STAU2: variants seen among roughly 807,000 people sequenced by gnomAD.
The protein encoded by STAU2 is double-stranded RNA-binding protein Staufen homolog 2.
STAU2 carries 20 observed loss-of-function variants against 65.9 expected under a neutral mutation model. The ratio of observed to expected loss-of-function variants is 0.30; its 90% CI spans 0.21 to 0.44. The LOEUF is 0.44. Among genes scored for constraint, STAU2 ranks in the 20% least tolerant of loss-of-function variants. The pLI is 1.00. For synonymous variants in STAU2, 232 were observed against 233.9 expected, an observed-to-expected ratio of 0.99 and a Z score of 0.07; for missense variants, 558 against 683.9, an observed-to-expected ratio of 0.82 and a Z score of 2.05.
At chr8:73,721,874 G>T (rs1162498751) in intron 3 of STAU2, among the ~76,000 whole-genome samples, 1 of 152,156 alleles carries the variant, frequency 6.6e-6, no homozygotes, top group Non-Finnish European at 1.5e-5. Context: ...AAACTGGAGT[G>T]TTTAGACAAT....
At chr8:73,705,043 G>A (rs547041752) in intron 4 of STAU2, among the ~76,000 whole-genome samples, 1 of 152,274 alleles carries the variant, frequency 6.6e-6, no homozygotes, top group South Asian at 2.1e-4. Flanking sequence ...TTCAGTGCAG[G>A]AACAGTGCCT....
rs116287369 is a variant in STAU2 at position 73,448,578 on chromosome 8, C to T, written c.1531-25876G>A. On this transcript the variant is annotated intron_variant, in intron 13 of 14. Transcript: ENST00000524300. ...GATTACAGGCATTAGCCACCACGCCCGGCTAGGAGACACAAGTCTTAAAAG... is the reference window on the plus strand; with the variant it reads ...GATTACAGGCATTAGCCACCACGCCTGGCTAGGAGACACAAGTCTTAAAAG... Among the ~76,000 whole-genome samples the T allele has an allele frequency of 2.9e-3, 449 of 152,308 alleles. 5 individuals carry two copies. Among genetic ancestry groups the T allele is most frequent in the African/African-American group, 0.01 (421 of 41,572 alleles).
intron 13 of STAU2, among the ~76,000 whole-genome samples, chr8:73,482,817 T>G (rs975363464): frequency 1.3e-5 from 2 of 152,118 alleles, no homozygotes; most frequent in East Asian, 3.9e-4. Context: ...ACAACTTCAT[T>G]TGCAGGATCA....
At position 73,586,644 on chromosome 8, in the gene STAU2, T is replaced by C. The variant is rs201770307; in HGVS notation, c.1162-3814A>G. On this transcript the variant is annotated intron_variant, in intron 11 of 14. Transcript: ENST00000524300. The stretch of plus-strand genomic sequence containing the variant: ...AATGAGGAGAACAGAAGAAAAAAAA[T>C]GCAAAAAAAAAAAAAAAAAAAAATC... Among the ~76,000 whole-genome samples the C allele has an allele frequency of 1.9e-4, 5 of 26,316 alleles. No homozygotes were observed. In the South Asian group the frequency reaches 3.6e-3, roughly 19 times the overall value. The allele number at this position is 26,316 out of a possible 152,430, so 17.3% of individuals were successfully genotyped here.
intron 6 of STAU2, among the ~76,000 whole-genome samples, chr8:73,657,645 T>A (rs1816482324): frequency 6.6e-6 from 1 of 152,234 alleles, no homozygotes; most frequent in South Asian, 2.1e-4. Context: ...ATATTTATAT[T>A]GGTATTAGAC....
intron 6 of STAU2, among the ~76,000 whole-genome samples, chr8:73,637,177 A>T (rs1035261438): frequency 2.0e-5 from 2 of 99,272 alleles, no homozygotes; most frequent in Admixed American, 9.6e-5. Flanking sequence ...ATTAAAATTA[A>T]AAAAAAGGTC....
intron 6 of STAU2, among the ~76,000 whole-genome samples, chr8:73,640,840 T>A (rs1465600472): frequency 1.3e-5 from 2 of 152,170 alleles, no homozygotes; most frequent in African/African-American, 4.8e-5. Context: ...ATTTTTACTA[T>A]GCCATTATTT....
chr8:73,477,070 A>G (rs1382904581), intron 13 of STAU2, among the ~76,000 whole-genome samples: 1 of 152,214 alleles, frequency 6.6e-6, no homozygotes, highest in East Asian at 1.9e-4. Flanking sequence ...TGTGACACTG[A>G]AGAACTGGAA....
intron 13 of STAU2, among the ~76,000 whole-genome samples, chr8:73,495,558 T>C (rs1202395557): frequency 6.6e-6 from 1 of 150,826 alleles, no homozygotes; most frequent in Non-Finnish European, 1.5e-5. Context: ...TCAAATAAAA[T>C]GTCAATAAAA....
At position 73,610,538 on chromosome 8, in the gene STAU2, CAA is replaced by C. The variant is rs59599554; in HGVS notation, c.891+3204_891+3205del. Among the ~76,000 whole-genome samples the C allele has an allele frequency of 3.1e-3, 291 of 95,108 alleles. 1 individual carries two copies. The highest frequency in any genetic ancestry group is 0.026 in the South Asian group (70 of 2,718). The allele number at this position is 95,108 out of a possible 152,430, so 62.4% of individuals were successfully genotyped here. ...TGGGAGACAGAGTTAGACCCCGTCT[CAA>C]AAAAAAAAAAAAAAAAAAGGCAGCG... On this transcript the variant is annotated intron_variant, in intron 9 of 14. Coordinates refer to ENST00000524300, the MANE Select transcript of STAU2 (RefSeq NM_001164380.2).
At chr8:73,576,391 G>C (rs963838993) in intron 12 of STAU2, among the ~76,000 whole-genome samples, 18 of 151,692 alleles carry the variant, frequency 1.2e-4, no homozygotes, top group African/African-American at 4.4e-4. Context: ...ACCATACGAC[G>C]CTATTTTTCT....
intron 11 of STAU2, among the ~76,000 whole-genome samples, chr8:73,585,145 G>T (rs944322546): frequency 2.3e-4 from 34 of 151,002 alleles, no homozygotes; most frequent in African/African-American, 7.7e-4. Context: ...TGTTTTATTT[G>T]ACTAAACTAA....
At chr8:73,692,894 T>TTA (rs1819429083) in intron 4 of STAU2, among the ~76,000 whole-genome samples, 1 of 152,200 alleles carries the variant, frequency 6.6e-6, no homozygotes, top group Non-Finnish European at 1.5e-5. Flanking sequence ...GTGTGGTGGC[T>TTA]TATGCCTGGA....
chr8:73,473,326 C>T (rs1195893989), intron 13 of STAU2, among the ~76,000 whole-genome samples: 1 of 152,166 alleles, frequency 6.6e-6, no homozygotes, highest in Non-Finnish European at 1.5e-5. Context: ...ACTCTTGGAG[C>T]ATCCCAGATC....
At chr8:73,678,637 A>G (rs1818180093) in intron 5 of STAU2, among the ~76,000 whole-genome samples, 1 of 152,306 alleles carries the variant, frequency 6.6e-6, no homozygotes, top group African/African-American at 2.4e-5. Context: ...ACAATGTTTT[A>G]TTTCTCTTAG....
At chr8:73,551,983 T>C in intron 13 of STAU2, 29 bp downstream of exon 13, 2 of 1,524,094 alleles carry the variant, frequency 1.3e-6, no homozygotes, top group South Asian at 1.4e-5. Context: ...TGAATTGTTT[T>C]GTTTTTTGTT....
chr8:73,730,556 G>A (rs747819149), intron 3 of STAU2, among the ~76,000 whole-genome samples: 5 of 151,770 alleles, frequency 3.3e-5, no homozygotes, highest in Non-Finnish European at 5.9e-5. Context: ...GCAAAACCCC[G>A]TCTCTACTAA....
At chr8:73,444,407 CAAAAAA>C (rs55722523) in intron 13 of STAU2, among the ~76,000 whole-genome samples, 1 of 128,402 alleles carries the variant, frequency 7.8e-6, no homozygotes, top group Non-Finnish European at 1.6e-5. Context: ...AAAACTCCAT[CAAAAAA>C]AAAAAAAAAA....
chr8:73,707,720 G>C (rs546185832), intron 4 of STAU2, among the ~76,000 whole-genome samples: 1 of 152,090 alleles, frequency 6.6e-6, no homozygotes, highest in East Asian at 1.9e-4. Flanking sequence ...AAATGTAAAC[G>C]AGTAAAATAC....
Sources: gnomAD v4.1 joint callset for allele counts (sites outside exome capture counted in the v4.1 genomes callset) on GRCh38, gnomAD v4.1.1 for gene constraint, MANE v1.5 for transcripts, NCBI Gene and HGNC (gene_info 2026-07-23, HGNC 2026-07-21) for gene names.